Variants in TXLNB observed in about 807,000 individuals in gnomAD.
The protein encoded by TXLNB is beta-taxilin.
Under a neutral mutation model 57.4 loss-of-function variants are expected in TXLNB, and 37 were observed. The ratio of observed to expected loss-of-function variants is 0.64; its 90% CI spans 0.50 to 0.85. The LOEUF (loss-of-function observed/expected upper bound fraction) is 0.85, where lower values mean the gene tolerates loss of function less well. Ranked by LOEUF, TXLNB falls within the 40% of genes least tolerant of loss-of-function variation. The pLI is 0.00. For missense variants in TXLNB, 848 were observed against 825.6 expected (o/e 1.03, Z -0.33); for synonymous variants, 302 against 309.6 (o/e 0.98, Z 0.26).
chr6:139,161,815 C>T, the TXLNB span, among the ~76,000 whole-genome samples: 1 of 152,166 alleles, frequency 6.6e-6, no homozygotes, highest in African/African-American at 2.4e-5. Flanking sequence ...TACTTCAAGG[C>T]TCTTCATCTG....
intron 4 of TXLNB, among the ~76,000 whole-genome samples, chr6:139,268,444 T>C (rs73560722): frequency 0.039 from 5,919 of 152,228 alleles, 395 homozygotes; most frequent in African/African-American, 0.13. Flanking sequence ...AAACATTGTT[T>C]TGAAGTACAT....
the TXLNB span, among the ~76,000 whole-genome samples, chr6:139,228,494 C>T: frequency 2.6e-4 from 38 of 148,222 alleles, no homozygotes; most frequent in African/African-American, 8.9e-4. Flanking sequence ...CCACTGCACC[C>T]CAGCCTGGAC....
chr6:139,228,172 T>C, the TXLNB span, among the ~76,000 whole-genome samples: 5 of 152,188 alleles, frequency 3.3e-5, no homozygotes, highest in African/African-American at 1.2e-4. Context: ...CATTGCTGTT[T>C]GGATGCAGAT....
At chr6:139,224,681 A>G in the TXLNB span, among the ~76,000 whole-genome samples, 1 of 152,024 alleles carries the variant, frequency 6.6e-6, no homozygotes, top group Non-Finnish European at 1.5e-5. Context: ...GCATACCACA[A>G]CTGACAGGGA....
the TXLNB span, among the ~76,000 whole-genome samples, chr6:139,164,022 A>G: frequency 5.3e-5 from 8 of 151,854 alleles, no homozygotes; most frequent in Non-Finnish European, 1.2e-4. Context: ...TGCTGTTCCC[A>G]CATTGCTGTC....
chr6:139,196,364 G>GTTTTTTTTTTTTTTTT, the TXLNB span, among the ~76,000 whole-genome samples: 6 of 86,770 alleles, frequency 6.9e-5, 2 homozygotes, highest in Non-Finnish European at 6.7e-5. Flanking sequence ...CTCCAGATCT[G>GTTTTTTTTTTTTTTTT]GTTTTTTTTT....
chr6:139,277,182 A>C (rs17068468), intron 2 of TXLNB: 60,992 of 336,240 alleles, frequency 0.18, 5,817 homozygotes, highest in African/African-American at 0.25. Flanking sequence ...GAAGTCTCCC[A>C]GTTTTCATCA....
At chr6:139,162,822 A>G in the TXLNB span, among the ~76,000 whole-genome samples, 1 of 152,162 alleles carries the variant, frequency 6.6e-6, no homozygotes. Flanking sequence ...GAGGAGTCAC[A>G]TGGTTTGTTC....
chr6:139,166,147 A>C, the TXLNB span: 2 of 700,520 alleles, frequency 2.9e-6, no homozygotes, highest in South Asian at 1.9e-5. Context: ...GGAGTGATTC[A>C]TCTTTAAAGG....
chr6:139,256,715 T>C (rs1013611298), intron 6 of TXLNB, among the ~76,000 whole-genome samples: 1 of 152,284 alleles, frequency 6.6e-6, no homozygotes, highest in Non-Finnish European at 1.5e-5. Flanking sequence ...AAGAACTATG[T>C]ATGTCCTTGG....
At chr6:139,244,479 A>G in intron 9 of TXLNB, 116 bp downstream of exon 9, 1 of 735,386 alleles carries the variant, frequency 1.4e-6, no homozygotes, top group Admixed American at 2.5e-5. Context: ...GCCACCCCAA[A>G]TTCAACTCTT....
chr6:139,245,288 G>T (rs886412732), intron 8 of TXLNB, among the ~76,000 whole-genome samples: 17 of 152,192 alleles, frequency 1.1e-4, no homozygotes, highest in Non-Finnish European at 2.4e-4. Flanking sequence ...GAGAGGTAGA[G>T]TAATATTTAG....
intron 1 of TXLNB, among the ~76,000 whole-genome samples, chr6:139,290,033 G>A (rs1777269619): frequency 6.6e-6 from 1 of 152,026 alleles, no homozygotes; most frequent in African/African-American, 2.4e-5. Context: ...GGCTTAAACT[G>A]GCATCATTTT....
the TXLNB span, chr6:139,203,607 A>G: frequency 2.0e-5 from 3 of 151,972 alleles, no homozygotes; most frequent in Non-Finnish European, 4.4e-5. Flanking sequence ...TTCTCTACCC[A>G]TCTCTTAAGT....
intron 4 of TXLNB, among the ~76,000 whole-genome samples, chr6:139,265,203 CCA>C (rs1776585932): frequency 6.6e-6 from 1 of 152,128 alleles, no homozygotes. Context: ...ACAGTCCTTT[CCA>C]CATTAAAATT....
intron 4 of TXLNB, among the ~76,000 whole-genome samples, chr6:139,264,425 T>C (rs945585337): frequency 1.3e-5 from 2 of 152,128 alleles, no homozygotes; most frequent in Non-Finnish European, 2.9e-5. Flanking sequence ...TTTTTTTTAA[T>C]TGGGAACTGG....
chr6:139,217,594 C>T, the TXLNB span, among the ~76,000 whole-genome samples: 51 of 152,134 alleles, frequency 3.4e-4, no homozygotes, highest in East Asian at 3.3e-3. Flanking sequence ...TTAGGCTGGG[C>T]GTGGCGGCTC....
the TXLNB span, among the ~76,000 whole-genome samples, chr6:139,161,069 G>C: frequency 6.6e-6 from 1 of 151,956 alleles, no homozygotes; most frequent in South Asian, 2.1e-4. Flanking sequence ...GGACAGGGGT[G>C]GTGCTAATGA....
the TXLNB span, among the ~76,000 whole-genome samples, chr6:139,172,352 C>A: frequency 6.6e-6 from 1 of 152,226 alleles, no homozygotes; most frequent in South Asian, 2.1e-4. Context: ...GGCTGACATG[C>A]TGCTGCAGTA....
Sources: allele counts gnomAD v4.1 joint callset (sites outside exome capture counted in the v4.1 genomes callset), GRCh38; gene constraint gnomAD v4.1.1; transcripts MANE v1.5; gene names NCBI Gene and HGNC (gene_info 2026-07-23, HGNC 2026-07-21).